ZNF776: variants seen among roughly 807,000 people sequenced by gnomAD.
The protein encoded by ZNF776 is zinc finger protein 776.
A neutral mutation model predicts 7.0 loss-of-function variants in ZNF776; 4 were observed. The observed-to-expected ratio is 0.57, with a 90% CI of 0.28 to 1.31. The LOEUF (loss-of-function observed/expected upper bound fraction) is 1.31. ZNF776 is among the 50% of genes most tolerant of loss of function. The pLI is 0.10. For missense variants in ZNF776, 555 were observed against 625.9 expected, an observed-to-expected ratio of 0.89 and a Z score of 1.21; for synonymous variants, 212 against 213.7, an observed-to-expected ratio of 0.99 and a Z score of 0.07.
rs971432333 is a variant in ZNF776, at chr19:57,746,849, C to T, written c.-210C>T. On this transcript the variant is annotated 5_prime_UTR_variant, in exon 1 of 3. Transcript: ENST00000317178. Reference sequence around the variant, plus strand: ...TTTGATTGGTGTTGGGTGTATTTTCCAGTGAGAGACCGCGGAGTGTTGGGT... The same window carrying T: ...TTTGATTGGTGTTGGGTGTATTTTCTAGTGAGAGACCGCGGAGTGTTGGGT... The T allele has an allele frequency of 2.2e-6, 1 of 458,308 alleles. No individual in the cohort carries two copies. 28.4% of individuals were successfully genotyped at this position (458,308 alleles called of 1,614,324 possible). A position where few individuals can be genotyped will look rare whatever the true frequency, so the allele number is the denominator to read the frequency against.
rs113158435 is a variant in ZNF776 at position 57,753,841 on chromosome 19, A to T, written c.711A>T (p.Val237=). The T allele has an allele frequency of 5.5e-4, 880 of 1,614,238 alleles. 11 individuals are homozygous for T. In the African/African-American group the frequency reaches 0.01, roughly 18 times the overall value. ...TTCTCCCTAGAGAAGGACCTTATGT[A>T]TGCAGTGATTCTGGGAAATTCACTA... The part of the protein sequence containing the change: ...QRLLPREGPY[V]CSDSGKFTSK... The change falls in exon 3 of 3, where the codon GTA becomes GTT. Residue 237 remains valine (V), a synonymous_variant. Coordinates refer to ENST00000317178, the MANE Select transcript of ZNF776 (RefSeq NM_173632.4).
intron 2 of ZNF776, among the ~76,000 whole-genome samples, chr19:57,751,396 C>G (rs894193930): frequency 6.6e-6 from 1 of 152,168 alleles, no homozygotes; most frequent in Non-Finnish European, 1.5e-5. Context: ...AGTCTTAACT[C>G]TGTCACCCAG....
rs531000899 is a variant in ZNF776, at chr19:57,757,910, A to C, written c.*3223A>C. 1.9e-4 allele frequency: 29 copies of C among 152,276 alleles called. No homozygotes were observed. Among genetic ancestry groups the C allele is most frequent in the African/African-American group, 7.0e-4 (29 of 41,556 alleles). 9.4% of individuals were successfully genotyped at this position (152,276 alleles called of 1,614,324 possible). A position where few individuals can be genotyped will look rare whatever the true frequency, so the allele number is the denominator to read the frequency against. On this transcript the variant is annotated 3_prime_UTR_variant, in exon 3 of 3. Transcript: ENST00000317178. The stretch of plus-strand genomic sequence containing the variant: ...AACATGTTTCCTCTTTTCATACCTG[A>C]GTACTCTCCTGAGCCCTATTTATTT...
intron 1 of ZNF776, among the ~76,000 whole-genome samples, chr19:57,750,295 C>T (rs962631717): frequency 1.1e-4 from 16 of 151,228 alleles, no homozygotes; most frequent in East Asian, 3.9e-4. Context: ...TTAGCCGGCA[C>T]GGTGGCATGC....
intron 1 of ZNF776, among the ~76,000 whole-genome samples, chr19:57,747,887 G>C (rs1306524717): frequency 1.3e-5 from 2 of 151,164 alleles, no homozygotes; most frequent in East Asian, 3.9e-4. Context: ...GGGAACCCTG[G>C]AGGAACCTTA....
intron 2 of ZNF776, among the ~76,000 whole-genome samples, chr19:57,753,066 CATG>C (rs1986652780): frequency 6.6e-6 from 1 of 152,202 alleles, no homozygotes; most frequent in African/African-American, 2.4e-5. Context: ...TAGGGGGCCA[CATG>C]ATGTGAAGGA....
rs1456169204 is a variant in ZNF776, at chr19:57,757,831, A to C, written c.*3144A>C. The stretch of plus-strand genomic sequence containing the variant: ...CTCCAGACAATCACTGAATTACAAT[A>C]TTTGCTTAACAGTAGATTAATGTCA... On this transcript the variant is annotated 3_prime_UTR_variant, in exon 3 of 3. Coordinates refer to ENST00000317178, the MANE Select transcript of ZNF776 (RefSeq NM_173632.4). 1 of 152,158 alleles carries C rather than the reference A, an allele frequency of 6.6e-6. No individual in the cohort carries two copies. Among genetic ancestry groups the C allele is most frequent in the Non-Finnish European group, 1.5e-5 (1 of 68,028 alleles). The allele number at this position is 152,158 out of a possible 1,614,324, so 9.4% of individuals were successfully genotyped here. A position where few individuals can be genotyped will look rare whatever the true frequency, so the allele number is the denominator to read the frequency against.
chr19:57,754,384 C>T lies in ZNF776; in HGVS notation c.1254C>T (p.His418=), dbSNP rs761712516. ...GGAAATCATTTAGGTACAAGTCACACCTCACTGAACACCAGAGAGTTCACA... is the reference window on the plus strand; with the variant it reads ...GGAAATCATTTAGGTACAAGTCACATCTCACTGAACACCAGAGAGTTCACA... ...ECRKSFRYKS[H]LTEHQRVHTG... is the part of the protein sequence containing the mutation. The change falls in exon 3 of 3, where the codon CAC becomes CAT. Residue 418 remains histidine, a synonymous_variant. Transcript: ENST00000317178. 6.2e-7 allele frequency: 1 copy of T among 1,614,022 alleles called. No individual in the cohort carries two copies. Among genetic ancestry groups the T allele is most frequent in the Non-Finnish European group, 8.5e-7 (1 of 1,179,998 alleles).
intron 2 of ZNF776, 162 bp from the exon 3 acceptor site, chr19:57,753,129 A>G (rs1986654587): frequency 4.7e-6 from 3 of 639,548 alleles, no homozygotes; most frequent in Non-Finnish European, 7.9e-6. Flanking sequence ...TTCCTGTGCA[A>G]ACATCTAAAG....
rs1404025474 is a variant in ZNF776, at chr19:57,754,602, G to C, written c.1472G>C (p.Gly491Ala). ...TCTGGAGAAAGGCCACATGAGTGTG[G>C]AGAATGTGGAAAGTGTTTTCGTCAA... The part of the protein sequence containing the change: ...IHSGERPHEC[G>A]ECGKCFRQKG... Residue 491 changes from glycine (G) to alanine (A), a missense_variant, in exon 3 of 3, where the codon GGA becomes GCA. Gly to Ala is a moderately conservative substitution (Grantham distance 60). Transcript: ENST00000317178. 2 of 1,614,064 alleles carry C rather than the reference G, an allele frequency of 1.2e-6. No individual in the cohort carries two copies. Among genetic ancestry groups the C allele is most frequent in the Non-Finnish European group, 1.7e-6 (2 of 1,180,000 alleles).
Position 57,758,148 on chromosome 19 carries a change from A to G in ZNF776, c.*3461A>G, listed in dbSNP as rs1252633079. On this transcript the variant is annotated 3_prime_UTR_variant, in exon 3 of 3. Transcript: ENST00000317178. ...AGGAATAAAACTGCTTGTTAAGCAC[A>G]TTTGAATGCAATTCTTCATATAGAT... is the stretch of plus-strand genomic sequence containing the variant. The G allele has an allele frequency of 6.6e-6, 1 of 152,172 alleles. No homozygotes were observed. The highest frequency in any genetic ancestry group is 1.5e-5 in the Non-Finnish European group (1 of 68,026). 9.4% of individuals were successfully genotyped at this position (152,172 alleles called of 1,614,324 possible). A position where few individuals can be genotyped will look rare whatever the true frequency, so the allele number is the denominator to read the frequency against.
Position 57,753,344 on chromosome 19 carries a change from C to G in ZNF776, c.214C>G (p.Gln72Glu), listed in dbSNP as rs752331564. Reference sequence around the variant, plus strand: ...ACCTTCTAAGCAGACCCTTTCTATACAACAGGAGTCCCCACTCAGGACACA... The same window carrying G: ...ACCTTCTAAGCAGACCCTTTCTATAGAACAGGAGTCCCCACTCAGGACACA... ...ETPSKQTLSI[Q>E]QESPLRTHWT... Residue 72 changes from glutamine to glutamate, a missense_variant, in exon 3 of 3, where the codon CAA becomes GAA. Coordinates refer to ENST00000317178, the MANE Select transcript of ZNF776 (RefSeq NM_173632.4). The G allele has an allele frequency of 3.1e-6, 5 of 1,614,058 alleles. No homozygotes were observed. In the Admixed American group the frequency reaches 5.0e-5, roughly 16 times the overall value.
rs773021374 is a variant in ZNF776, at chr19:57,754,655, G to T, written c.1525G>T (p.Val509Phe). ...GGGAAACCTCATTAAACATCAACGAGTTCACACGGGAGAAAGACATCATGA... is the reference window on the plus strand; with the variant it reads ...GGGAAACCTCATTAAACATCAACGATTTCACACGGGAGAAAGACATCATGA... ...QKGNLIKHQRVHTGERHHEC is the reference protein window; with the variant it reads ...QKGNLIKHQRFHTGERHHEC The change falls in exon 3 of 3, where the codon GTT becomes TTT. Residue 509 changes from valine to phenylalanine, a missense_variant. Physicochemically the swap from Val to Phe is conservative, Grantham distance 50. Transcript: ENST00000317178. The T allele has an allele frequency of 6.2e-7, 1 of 1,612,408 alleles. No homozygotes were observed. The highest frequency in any genetic ancestry group is 1.1e-5 in the South Asian group (1 of 91,064).
chr19:57,753,896 G>A lies in ZNF776; in HGVS notation c.766G>A (p.Gly256Arg). 2 of 1,614,170 alleles carry A rather than the reference G, an allele frequency of 1.2e-6. No homozygotes were observed. Among genetic ancestry groups the A allele is most frequent in the Non-Finnish European group, 1.7e-6 (2 of 1,180,022 alleles). ...SKSNSFNNHQ[G>R]VRTGKRPYQC... ...AAGTAATAGTTTTAATAATCATCAGGGAGTTCGCACTGGAAAAAGACCTTA... is the reference window on the plus strand; with the variant it reads ...AAGTAATAGTTTTAATAATCATCAGAGAGTTCGCACTGGAAAAAGACCTTA... The change falls in exon 3 of 3, where the codon GGA becomes AGA. Residue 256 changes from glycine to arginine, a missense_variant. Coordinates refer to ENST00000317178, the MANE Select transcript of ZNF776 (RefSeq NM_173632.4).
Position 57,746,975 on chromosome 19 carries a change from C to T in ZNF776, c.-84C>T. 7.1e-7 allele frequency: 1 copy of T among 1,414,500 alleles called. No individual in the cohort carries two copies. The highest frequency in any genetic ancestry group is 1.3e-5 in the South Asian group (1 of 74,572). 87.6% of individuals were successfully genotyped at this position (1,414,500 alleles called of 1,614,324 possible). On this transcript the variant is annotated 5_prime_UTR_variant, in exon 1 of 3. Transcript: ENST00000317178. ...TTAAAGGCGCTAGGCGTGACCCGCACCAAGGCCGGGATCGGGACCACCGTG... is the reference window on the plus strand; with the variant it reads ...TTAAAGGCGCTAGGCGTGACCCGCATCAAGGCCGGGATCGGGACCACCGTG...
At position 57,755,140 on chromosome 19, in the gene ZNF776, G is replaced by C; in HGVS notation, c.*453G>C. 1 of 175,022 alleles carries C rather than the reference G, an allele frequency of 5.7e-6. No individual in the cohort carries two copies. Among genetic ancestry groups the C allele is most frequent in the South Asian group, 1.3e-4 (1 of 7,864 alleles). The allele number at this position is 175,022 out of a possible 1,614,324, so 10.8% of individuals were successfully genotyped here. ...AAATGTGAGAAATCATTTCCGTACAGCTCTGCGCTCCATGTTCGTAAGAGT... is the reference window on the plus strand; with the variant it reads ...AAATGTGAGAAATCATTTCCGTACACCTCTGCGCTCCATGTTCGTAAGAGT... On this transcript the variant is annotated 3_prime_UTR_variant, in exon 3 of 3. Transcript: ENST00000317178.
Position 57,754,290 on chromosome 19 carries a change from G to T in ZNF776, c.1160G>T (p.Ser387Ile). 6.2e-7 allele frequency: 1 copy of T among 1,608,470 alleles called. No homozygotes were observed. Among genetic ancestry groups the T allele is most frequent in the East Asian group, 2.2e-5 (1 of 44,466 alleles). ...ACGGCATGTGGGAAGTTATTTAGGA[G>T]CAACTCCCACCTAAAGGAACACCAG... Reference protein sequence around the residue: ...ECTACGKLFRSNSHLKEHQRV... With the variant: ...ECTACGKLFRINSHLKEHQRV... The change falls in exon 3 of 3, where the codon AGC (serine) becomes ATC (isoleucine). Residue 387 changes from serine to isoleucine, a missense_variant. Transcript: ENST00000317178.
intron 1 of ZNF776, among the ~76,000 whole-genome samples, chr19:57,747,786 T>A (rs1368805004): frequency 6.6e-6 from 1 of 151,354 alleles, no homozygotes; most frequent in Non-Finnish European, 1.5e-5. Flanking sequence ...ATTCCCTCAC[T>A]GGCCCTAACT....
At position 57,757,751 on chromosome 19, in the gene ZNF776, G is replaced by A. The variant is rs1157540991; in HGVS notation, c.*3064G>A. 1 of 152,146 alleles carries A rather than the reference G, an allele frequency of 6.6e-6. No homozygotes were observed. The highest frequency in any genetic ancestry group is 6.5e-5 in the Admixed American group (1 of 15,278). 9.4% of individuals were successfully genotyped at this position (152,146 alleles called of 1,614,324 possible). ...GTTTGAGACTAGCCTGGGTCCCATA[G>A]TAAGACCCTGTCTCTTAAAAAATAA... On this transcript the variant is annotated 3_prime_UTR_variant, in exon 3 of 3. Transcript: ENST00000317178.
Sources: allele counts gnomAD v4.1 joint callset (sites outside exome capture counted in the v4.1 genomes callset), GRCh38; gene constraint gnomAD v4.1.1; transcripts MANE v1.5; gene names NCBI Gene and HGNC (gene_info 2026-07-23, HGNC 2026-07-21).